The following FOXN3 variants were observed in gnomAD, a reference collection of about 807,000 sequenced individuals.
The protein encoded by FOXN3 is forkhead box N3.
In FOXN3, 7 loss-of-function variants were observed where a neutral mutation model predicts 38.4. The ratio of observed to expected loss-of-function variants is 0.18; its 90% CI spans 0.10 to 0.34. The LOEUF is 0.34. FOXN3 is among the 10% of genes least tolerant of loss of function. FOXN3 has a pLI of 1.00. For synonymous variants in FOXN3, 230 were observed against 242.2 expected (o/e 0.95, Z 0.47); for missense variants, 456 against 613.4 (o/e 0.74, Z 2.71).
At chr14:89,208,808 G>A (rs1261786748) in intron 4 of FOXN3, among the ~76,000 whole-genome samples, 2 of 152,138 alleles carry the variant, frequency 1.3e-5, no homozygotes, top group African/African-American at 2.4e-5. Context: ...TTGAATTAGC[G>A]GGCTGGATGG....
chr14:89,405,914 G>A (rs1891376270), intron 2 of FOXN3, among the ~76,000 whole-genome samples: 1 of 152,108 alleles, frequency 6.6e-6, no homozygotes, highest in Non-Finnish European at 1.5e-5. Context: ...AGGGAATCGG[G>A]CCAAGCATGG....
intron 4 of FOXN3, among the ~76,000 whole-genome samples, chr14:89,250,223 GC>G (rs1885414984): frequency 1.3e-5 from 2 of 152,162 alleles, no homozygotes; most frequent in Non-Finnish European, 2.9e-5. Context: ...GGATCCTCCT[GC>G]CTGAGTCTTC....
At chr14:89,555,295 T>C (rs1212448326) in intron 1 of FOXN3, among the ~76,000 whole-genome samples, 1 of 152,210 alleles carries the variant, frequency 6.6e-6, no homozygotes. Flanking sequence ...CATTTTCAGT[T>C]GCAATTAATA....
At chr14:89,593,081 G>A (rs1055621034) in intron 1 of FOXN3, among the ~76,000 whole-genome samples, 2 of 140,474 alleles carry the variant, frequency 1.4e-5, no homozygotes, top group African/African-American at 5.3e-5. Context: ...GGGAGGGAAT[G>A]AGGGAAGGAG....
At chr14:89,522,014 T>G (rs1894328543) in intron 1 of FOXN3, among the ~76,000 whole-genome samples, 1 of 141,166 alleles carries the variant, frequency 7.1e-6, no homozygotes. Context: ...AATGAGACCC[T>G]GTCTCAAAAA....
chr14:89,259,800 C>T (rs2139890060), intron 4 of FOXN3, among the ~76,000 whole-genome samples: 1 of 152,336 alleles, frequency 6.6e-6, no homozygotes, highest in Admixed American at 6.5e-5. Flanking sequence ...AACCTTCCTT[C>T]CAGCTTTGGT....
At chr14:89,172,586 G>A (rs1887418425) in intron 5 of FOXN3, among the ~76,000 whole-genome samples, 1 of 152,166 alleles carries the variant, frequency 6.6e-6, no homozygotes, top group Non-Finnish European at 1.5e-5. Context: ...CAAGGTGAGA[G>A]AACATGTGCT....
At chr14:89,238,060 T>C (rs887125201) in intron 4 of FOXN3, among the ~76,000 whole-genome samples, 3 of 152,218 alleles carry the variant, frequency 2.0e-5, no homozygotes, top group East Asian at 1.9e-4. Flanking sequence ...TCCGATCTCC[T>C]CTAAGGAGTT....
chr14:89,491,481 T>C (rs926045870), intron 1 of FOXN3, among the ~76,000 whole-genome samples: 2 of 152,210 alleles, frequency 1.3e-5, no homozygotes, highest in Non-Finnish European at 2.9e-5. Flanking sequence ...CAAATGCCTA[T>C]GTGCTTTCAA....
chr14:89,544,730 T>C (rs1894853220), intron 1 of FOXN3, among the ~76,000 whole-genome samples: 1 of 152,138 alleles, frequency 6.6e-6, no homozygotes, highest in Non-Finnish European at 1.5e-5. Context: ...ACACCTATGT[T>C]TTCTCCATCT....
chr14:89,225,065 G>T (rs1331375086), intron 4 of FOXN3, among the ~76,000 whole-genome samples: 1 of 149,778 alleles, frequency 6.7e-6, no homozygotes, highest in Non-Finnish European at 1.5e-5. Context: ...GGAGTCAGAG[G>T]TTGCAGTGAG....
intron 1 of FOXN3, among the ~76,000 whole-genome samples, chr14:89,565,039 A>T (rs1299843042): frequency 7.0e-6 from 1 of 142,856 alleles, no homozygotes; most frequent in Non-Finnish European, 1.5e-5. Context: ...GGTTGCAGTG[A>T]GCCAAGATAG....
At chr14:89,499,635 T>G (rs1278236326) in intron 1 of FOXN3, among the ~76,000 whole-genome samples, 2 of 152,190 alleles carry the variant, frequency 1.3e-5, no homozygotes, top group Non-Finnish European at 2.9e-5. Flanking sequence ...AAAATGGAAG[T>G]AAATTTCTGA....
At chr14:89,610,773 C>T (rs910196300) in intron 1 of FOXN3, among the ~76,000 whole-genome samples, 1 of 152,188 alleles carries the variant, frequency 6.6e-6, no homozygotes, top group African/African-American at 2.4e-5. Flanking sequence ...GGGCACAGTT[C>T]CTGGTATGCA....
At chr14:89,544,199 G>C (rs1050836848) in intron 1 of FOXN3, among the ~76,000 whole-genome samples, 3 of 151,720 alleles carry the variant, frequency 2.0e-5, no homozygotes, top group Admixed American at 6.6e-5. Context: ...CTGCTACCAC[G>C]CCCAGCTAAT....
rs1566966345 is a variant in FOXN3 at position 89,360,732 on chromosome 14, ACCTCCAGCACCACCTCCACCACCACCT to A, written c.544-9951_544-9925del. The stretch of plus-strand genomic sequence containing the variant: ...CTCCAGCACTACCTCCACCACCACC[ACCTCCAGCACCACCTCCACCACCACCT>A]CCACCACTACCACCTCCACCACCAC... On this transcript the variant is annotated intron_variant, in intron 2 of 5. Coordinates refer to ENST00000557258, the MANE Select transcript of FOXN3 (RefSeq NM_005197.4). Among the ~76,000 whole-genome samples, 33 of 126,450 alleles carry A rather than the reference ACCTCCAGCACCACCTCCACCACCACCT, an allele frequency of 2.6e-4. No individual in the cohort carries two copies. In the East Asian group the frequency reaches 2.7e-3, roughly 10 times the overall value. 83.0% of individuals were successfully genotyped at this position (126,450 alleles called of 152,430 possible).
In FOXN3 at chr14:89,485,626, G is replaced by C. The variant is rs1382806377; in HGVS notation, c.-14-73136C>G. Among the ~76,000 whole-genome samples, 4 of 152,284 alleles carry C rather than the reference G, an allele frequency of 2.6e-5. No individual in the cohort carries two copies. The East Asian group carries it at 7.7e-4, about 29-fold the overall frequency. On this transcript the variant is annotated intron_variant, in intron 1 of 6. Coordinates refer to the FOXN3 transcript ENST00000345097. ...AAAAGATCAGCAAAGCAGTGGCCAA[G>C]CCAGGGTGGGGGCAACAGAAACCAC...
chr14:89,196,297 A>G (rs1888098009), intron 4 of FOXN3, among the ~76,000 whole-genome samples: 1 of 152,164 alleles, frequency 6.6e-6, no homozygotes, highest in Non-Finnish European at 1.5e-5. Context: ...CAGTTTCTCA[A>G]ACTGTTGAGA....
At chr14:89,534,767 C>T (rs386276) in intron 1 of FOXN3, among the ~76,000 whole-genome samples, 123,976 of 152,178 alleles carry the variant, frequency 0.81, 50,897 homozygotes, top group African/African-American at 0.89. Flanking sequence ...GTGATTCCAA[C>T]GTGCATCAAG....
Sources: allele counts gnomAD v4.1 joint callset (sites outside exome capture counted in the v4.1 genomes callset), GRCh38; gene constraint gnomAD v4.1.1; transcripts MANE v1.5; gene names NCBI Gene and HGNC (gene_info 2026-07-23, HGNC 2026-07-21).